Variants in SH3GLB1 observed in about 807,000 individuals in gnomAD.
SH3GLB1 encodes endophilin-B1.
A neutral mutation model predicts 42.0 loss-of-function variants in SH3GLB1; 17 were observed. The ratio of observed to expected loss-of-function variants is 0.40; its 90% confidence interval spans 0.28 to 0.61. SH3GLB1 has a LOEUF of 0.61. Ranked by LOEUF, SH3GLB1 falls within the 20% of genes least tolerant of loss-of-function variation. The pLI, the probability that SH3GLB1 is intolerant of heterozygous loss-of-function variation, is 0.36. For synonymous variants in SH3GLB1, 132 were observed against 146.6 expected (o/e 0.90, Z 0.72); for missense variants, 355 against 426.3 (o/e 0.83, Z 1.47).
At chr1:86,716,370 G>A (rs979300136) in intron 2 of SH3GLB1, among the ~76,000 whole-genome samples, 1 of 152,178 alleles carries the variant, frequency 6.6e-6, no homozygotes, top group Middle Eastern at 3.4e-3. Flanking sequence ...CACCTCCCAG[G>A]TTGAAGCAAT....
rs1655979308 is a variant in SH3GLB1 at position 86,740,012 on chromosome 1, G to C, written c.762-2196G>C. ...AATACAAAAATTAACTGGGTGTGGAGGTGCATGTCTGTAGTCCCAGCTACT... is the reference window on the plus strand; with the variant it reads ...AATACAAAAATTAACTGGGTGTGGACGTGCATGTCTGTAGTCCCAGCTACT... On this transcript the variant is annotated intron_variant, in intron 7 of 8. Coordinates refer to ENST00000370558, the MANE Select transcript of SH3GLB1 (RefSeq NM_016009.5). 2.6e-5 allele frequency among the ~76,000 whole-genome samples: 4 copies of C among 152,130 alleles called. No homozygotes were observed. The South Asian group carries it at 8.3e-4, about 31-fold the overall frequency.
In SH3GLB1 at chr1:86,735,291, A is replaced by G. The variant is rs1655726757; in HGVS notation, c.761+112A>G. On this transcript the variant is annotated intron_variant, in intron 7 of 8. Transcript: ENST00000370558. ...AAGGTTCTTACTAGCTTTCTTAGAA[A>G]TAGTTTCTTTTTTTTAAGGAAAGTA... 5 of 644,174 alleles carry G rather than the reference A, an allele frequency of 7.8e-6. No individual in the cohort carries two copies. In the South Asian group the frequency reaches 1.0e-4, roughly 13 times the overall value. The allele number at this position is 644,174 out of a possible 1,614,324, so 39.9% of individuals were successfully genotyped here.
chr1:86,724,730 C>T (rs1052368063), intron 5 of SH3GLB1, among the ~76,000 whole-genome samples: 27 of 151,244 alleles, frequency 1.8e-4, no homozygotes, highest in Non-Finnish European at 2.8e-4. Flanking sequence ...CAAAAATGAA[C>T]GGGCATGGTG....
intron 1 of SH3GLB1, among the ~76,000 whole-genome samples, chr1:86,709,140 T>G (rs2101911040): frequency 6.6e-6 from 1 of 152,364 alleles, no homozygotes. Flanking sequence ...ACTTTTCTTC[T>G]AATGAACTGT....
At chr1:86,735,043 A>C in intron 6 of SH3GLB1, 36 bp from the exon 7 acceptor site, 2 of 1,510,258 alleles carry the variant, frequency 1.3e-6, no homozygotes, top group Non-Finnish European at 1.8e-6. Flanking sequence ...TAAGTTGACT[A>C]TACAGCTAAG....
intron 1 of SH3GLB1, among the ~76,000 whole-genome samples, chr1:86,709,917 G>A (rs1483609438): frequency 6.6e-6 from 1 of 152,170 alleles, no homozygotes; most frequent in Non-Finnish European, 1.5e-5. Flanking sequence ...GCTCCTGTCA[G>A]ACCCTCCCTG....
At chr1:86,705,950 C>T (rs952016690) in intron 1 of SH3GLB1, among the ~76,000 whole-genome samples, 9 of 152,320 alleles carry the variant, frequency 5.9e-5, no homozygotes, top group African/African-American at 2.2e-4. Flanking sequence ...GGCTTTACTA[C>T]TTTCCTTGCC....
chr1:86,727,738 G>A (rs2101960627), intron 5 of SH3GLB1, among the ~76,000 whole-genome samples: 1 of 152,132 alleles, frequency 6.6e-6, no homozygotes, highest in East Asian at 1.9e-4. Context: ...AAAATCAGCT[G>A]ATTTCAAAGC....
chr1:86,704,906 A>G lies in SH3GLB1; in HGVS notation c.7A>G (p.Ile3Val), dbSNP rs1389288016. 8 of 1,582,846 alleles carry G rather than the reference A, an allele frequency of 5.1e-6. No individual in the cohort carries two copies. The South Asian group carries it at 6.8e-5, about 14-fold the overall frequency. ...CGCCCGGCTGCCGCCTAGGATGAAT[A>G]TCATGGACTTCAACGTGAAGAAGCT... MNIMDFNVKKLAA... is the reference protein window; with the variant it reads MNVMDFNVKKLAA... Residue 3 changes from isoleucine (I) to valine (V), a missense_variant, in exon 1 of 9, where the codon ATC (isoleucine) becomes GTC (valine). Transcript: ENST00000370558.
At chr1:86,742,539 C>A in intron 8 of SH3GLB1, 103 bp downstream of exon 8, 2 of 726,254 alleles carry the variant, frequency 2.8e-6, no homozygotes, top group Admixed American at 2.7e-5. Context: ...GAAATGGTTT[C>A]ATAGATTACA....
In SH3GLB1 at chr1:86,734,659, A is replaced by C; in HGVS notation, c.628A>C (p.Arg210=). ...ATTTGATCGTCAAGCAGAGATTACC[A>C]GACTTCTGCTAGAGGGAATCAGCAG... is the stretch of plus-strand genomic sequence containing the variant. ...SEFDRQAEIT[R]LLLEGISSTH... Residue 210 remains arginine, a synonymous_variant, in exon 6 of 9, where the codon AGA becomes CGA. Transcript: ENST00000370558. 6.2e-7 allele frequency: 1 copy of C among 1,613,292 alleles called. No individual in the cohort carries two copies. Among genetic ancestry groups the C allele is most frequent in the Non-Finnish European group, 8.5e-7 (1 of 1,179,356 alleles).
chr1:86,715,305 T>C (rs1466831177), intron 1 of SH3GLB1, among the ~76,000 whole-genome samples: 2 of 152,136 alleles, frequency 1.3e-5, no homozygotes, highest in African/African-American at 4.8e-5. Flanking sequence ...AGAAAAAATA[T>C]TCAATACATT....
chr1:86,731,536 A>G (rs1655509214), intron 5 of SH3GLB1, among the ~76,000 whole-genome samples: 1 of 152,192 alleles, frequency 6.6e-6, no homozygotes, highest in Non-Finnish European at 1.5e-5. Flanking sequence ...GGGGCAGAGC[A>G]ACACAGAAGA....
chr1:86,719,463 T>TTTTGC, intron 2 of SH3GLB1, 44 bp from the exon 3 acceptor site: 1 of 1,568,386 alleles, frequency 6.4e-7, no homozygotes, highest in Non-Finnish European at 8.7e-7. Flanking sequence ...TTCTAATTAG[T>TTTTGC]TTTGCTTTTT....
intron 5 of SH3GLB1, among the ~76,000 whole-genome samples, chr1:86,724,892 A>AAAAAAATATATATATATATATATATAT: frequency 1.0e-5 from 1 of 99,666 alleles, no homozygotes; most frequent in East Asian, 2.8e-4. Context: ...AAAAAAAAAA[A>AAAAAAATATATATATATATATATATAT]ATATATATAT....
chr1:86,746,319 G>C lies in SH3GLB1; in HGVS notation c.*3084G>C, dbSNP rs2102000181. On this transcript the variant is annotated 3_prime_UTR_variant, in exon 9 of 9. Coordinates refer to ENST00000370558, the MANE Select transcript of SH3GLB1 (RefSeq NM_016009.5). Reference sequence around the variant, plus strand: ...CCATAGAGGCCCCACTCACCTCCATGCTGACAGAATTCCAGAAAAATTCCT... The same window carrying C: ...CCATAGAGGCCCCACTCACCTCCATCCTGACAGAATTCCAGAAAAATTCCT... The C allele has an allele frequency of 6.6e-6, 1 of 152,312 alleles. No individual in the cohort carries two copies. Among genetic ancestry groups the C allele is most frequent in the Non-Finnish European group, 1.5e-5 (1 of 68,060 alleles). The allele number at this position is 152,312 out of a possible 1,614,324, so 9.4% of individuals were successfully genotyped here.
rs890055353 is a variant in SH3GLB1, at chr1:86,747,103, G to A, written c.*3868G>A. On this transcript the variant is annotated 3_prime_UTR_variant, in exon 9 of 9. Coordinates refer to ENST00000370558, the MANE Select transcript of SH3GLB1 (RefSeq NM_016009.5). ...AACTGAGTCTTCTAATCTTAATTGTGTTCTAGCAGTAGTCATTGTAATTAT... is the reference window on the plus strand; with the variant it reads ...AACTGAGTCTTCTAATCTTAATTGTATTCTAGCAGTAGTCATTGTAATTAT... 3.9e-5 allele frequency: 6 copies of A among 152,468 alleles called. No homozygotes were observed. The highest frequency in any genetic ancestry group is 1.4e-4 in the African/African-American group (6 of 41,400). The allele number at this position is 152,468 out of a possible 1,614,324, so 9.4% of individuals were successfully genotyped here.
Position 86,743,888 on chromosome 1 carries a change from G to A in SH3GLB1, c.*653G>A, listed in dbSNP as rs1266866421. On this transcript the variant is annotated 3_prime_UTR_variant, in exon 9 of 9. Coordinates refer to ENST00000370558, the MANE Select transcript of SH3GLB1 (RefSeq NM_016009.5). ...CAACTAGTTCTTGAAAAGCAATACC[G>A]TATTTCTCTGATAAATTTGTAGTTA... The A allele has an allele frequency of 3.3e-5, 5 of 152,594 alleles. No homozygotes were observed. The highest frequency in any genetic ancestry group is 9.6e-5 in the African/African-American group (4 of 41,534). The allele number at this position is 152,594 out of a possible 1,614,324, so 9.5% of individuals were successfully genotyped here.
intron 7 of SH3GLB1, 92 bp from the exon 8 acceptor site, chr1:86,742,116 G>C: frequency 1.2e-6 from 1 of 815,966 alleles, no homozygotes; most frequent in East Asian, 2.6e-5. Context: ...CCAATGTGAA[G>C]GTTGGTAGAA....
Sources: allele counts gnomAD v4.1 joint callset (sites outside exome capture counted in the v4.1 genomes callset), GRCh38; gene constraint gnomAD v4.1.1; transcripts MANE v1.5; gene names NCBI Gene and HGNC (gene_info 2026-07-23, HGNC 2026-07-21).